Variants in GLP1R observed in about 807,000 individuals in gnomAD.
GLP1R encodes glucagon like peptide 1 receptor, also known as glucagon-like peptide 1 receptor.
In GLP1R, 32 loss-of-function variants were observed where a neutral mutation model predicts 68.4. The ratio of observed to expected loss-of-function variants is 0.47; its 90% confidence interval spans 0.35 to 0.63. The LOEUF (loss-of-function observed/expected upper bound fraction) is 0.63. Among genes scored for constraint, GLP1R ranks in the 20% least tolerant of loss-of-function variants. The pLI, the probability that GLP1R is intolerant of heterozygous loss-of-function variation, is 0.00. For missense variants in GLP1R, 502 were observed against 594.9 expected (o/e 0.84, Z 1.62); for synonymous variants, 263 against 244.4 (o/e 1.08, Z -0.71).
At chr6:39,084,127 G>A (rs1769086090) in intron 12 of GLP1R, among the ~76,000 whole-genome samples, 2 of 152,100 alleles carry the variant, frequency 1.3e-5, no homozygotes, top group South Asian at 4.2e-4. Context: ...TAGGAGCCGG[G>A]CATTGGAATC....
In GLP1R at chr6:39,086,023, A is replaced by G; in HGVS notation, c.1342A>G (p.Thr448Ala). The G allele has an allele frequency of 6.2e-7, 1 of 1,614,074 alleles. No homozygotes were observed. ...CACCAGCAGCCTGAGCAGTGGAGCC[A>G]CGGCGGGCAGCAGCATGTACACAGC... Reference protein sequence around the residue: ...CPTSSLSSGATAGSSMYTATC... With the variant: ...CPTSSLSSGAAAGSSMYTATC... Residue 448 changes from threonine to alanine, a missense_variant, in exon 13 of 13, where the codon ACG becomes GCG. Transcript: ENST00000373256. This position sits in a 1 kb window ranked among gnomAD's most constrained non-coding sequence, Gnocchi z 4.5.
chr6:39,070,444 C>G (rs917412716), intron 5 of GLP1R, among the ~76,000 whole-genome samples: 2 of 152,088 alleles, frequency 1.3e-5, no homozygotes, highest in Non-Finnish European at 2.9e-5. Flanking sequence ...AATGTACATT[C>G]TTACTTGTGC....
At chr6:39,051,351 T>C (rs1011229861) in intron 1 of GLP1R, among the ~76,000 whole-genome samples, 7 of 152,140 alleles carry the variant, frequency 4.6e-5, no homozygotes, top group African/African-American at 1.7e-4. Context: ...ACTGACCCAT[T>C]TGTCCTTGGG....
intron 5 of GLP1R, among the ~76,000 whole-genome samples, chr6:39,066,534 G>A (rs1008273309): frequency 2.0e-5 from 3 of 152,184 alleles, no homozygotes; most frequent in African/African-American, 7.2e-5. Flanking sequence ...CTGCAAAAAA[G>A]AACAAAAATA....
chr6:39,061,250 C>T (rs1247805404), intron 3 of GLP1R, among the ~76,000 whole-genome samples: 1 of 152,196 alleles, frequency 6.6e-6, no homozygotes, highest in Non-Finnish European at 1.5e-5. Context: ...AAGGAAATGG[C>T]TGGTACAAAC....
Position 39,078,382 on chromosome 6 carries a change from G to A in GLP1R, c.884G>A (p.Gly295Asp), listed in dbSNP as rs2150835598. The A allele has an allele frequency of 1.2e-6, 2 of 1,606,964 alleles. No individual in the cohort carries two copies. Among genetic ancestry groups the A allele is most frequent in the Non-Finnish European group, 1.7e-6 (2 of 1,173,474 alleles). ...GIVKYLYEDE[G>D]CWTRNSNMNY... is the part of the protein sequence containing the mutation. ...GTCAAGTACCTCTATGAGGACGAGGGGTGAGTGTCCTGCTCCAAGGGGGCG... is the reference window on the plus strand; with the variant it reads ...GTCAAGTACCTCTATGAGGACGAGGAGTGAGTGTCCTGCTCCAAGGGGGCG... The change falls in exon 8 of 13, where the codon GGC (glycine) becomes GAC (aspartate). Residue 295 changes from glycine to aspartate, a missense_variant and splice_region_variant. Physicochemically the swap from Gly to Asp is moderately conservative, Grantham distance 94 (BLOSUM62 -1). Coordinates refer to ENST00000373256, the MANE Select transcript of GLP1R (RefSeq NM_002062.5).
intron 7 of GLP1R, among the ~76,000 whole-genome samples, chr6:39,076,483 T>G (rs1768832560): frequency 6.6e-6 from 1 of 152,128 alleles, no homozygotes; most frequent in Non-Finnish European, 1.5e-5. Context: ...CTCCTTTGCC[T>G]CCTCCATCTC....
At chr6:39,084,781 T>A (rs977351363) in intron 12 of GLP1R, among the ~76,000 whole-genome samples, 2 of 152,192 alleles carry the variant, frequency 1.3e-5, no homozygotes, top group Non-Finnish European at 2.9e-5. Context: ...AATGTTCTTT[T>A]AAGGGATGGC....
At chr6:39,050,004 T>C (rs1583609725) in intron 1 of GLP1R, among the ~76,000 whole-genome samples, 1 of 152,262 alleles carries the variant, frequency 6.6e-6, no homozygotes, top group Middle Eastern at 3.4e-3. Context: ...AACCATTGCC[T>C]TGGTGAGGGC....
rs545854526 is a variant in GLP1R, at chr6:39,090,066, A to G, written c.*3993A>G. On this transcript the variant is annotated 3_prime_UTR_variant, in exon 13 of 13. Coordinates refer to ENST00000373256, the MANE Select transcript of GLP1R (RefSeq NM_002062.5). The stretch of plus-strand genomic sequence containing the variant: ...TGGCTGGAATGAGTTCCCCTGGGAA[A>G]GAAAATCGCCCAAGTGAGAAACTTA... 6.6e-6 allele frequency among the ~76,000 whole-genome samples: 1 copy of G among 152,230 alleles called. No individual in the cohort carries two copies. Among genetic ancestry groups the G allele is most frequent in the Non-Finnish European group, 1.5e-5 (1 of 68,048 alleles).
At chr6:39,073,370 G>A (rs952649839) in intron 6 of GLP1R, among the ~76,000 whole-genome samples, 1 of 152,166 alleles carries the variant, frequency 6.6e-6, no homozygotes, top group South Asian at 2.1e-4. Context: ...CTGAGAAATA[G>A]GTGAGAAGTC....
intron 3 of GLP1R, among the ~76,000 whole-genome samples, chr6:39,064,588 A>T (rs1768446901): frequency 6.6e-6 from 1 of 151,630 alleles, no homozygotes; most frequent in Non-Finnish European, 1.5e-5. Context: ...CCTGGTGTCA[A>T]ACTTAAGTTC....
chr6:39,082,089 G>C (rs549973618), intron 12 of GLP1R, among the ~76,000 whole-genome samples: 21 of 152,224 alleles, frequency 1.4e-4, no homozygotes, highest in African/African-American at 5.1e-4. Flanking sequence ...AGAGGATGCC[G>C]TGCAGAGAAA....
intron 5 of GLP1R, 69 bp downstream of exon 5, chr6:39,066,372 C>A: frequency 1.2e-6 from 1 of 810,936 alleles, no homozygotes; most frequent in Non-Finnish European, 2.1e-6. Context: ...AATGAAGCAG[C>A]CCAACACCAA....
chr6:39,073,384 T>G (rs1294892146), intron 6 of GLP1R, among the ~76,000 whole-genome samples: 1 of 152,200 alleles, frequency 6.6e-6, no homozygotes, highest in East Asian at 1.9e-4. Context: ...AGAAGTCACT[T>G]ACTTCTCACC....
chr6:39,075,598 A>G (rs1431093849), intron 7 of GLP1R, among the ~76,000 whole-genome samples: 1 of 152,162 alleles, frequency 6.6e-6, no homozygotes, highest in African/African-American at 2.4e-5. Flanking sequence ...CAAGACCCGG[A>G]GGACACCCTG....
At chr6:39,063,821 A>G (rs1468424183) in intron 3 of GLP1R, among the ~76,000 whole-genome samples, 1 of 151,298 alleles carries the variant, frequency 6.6e-6, no homozygotes, top group Non-Finnish European at 1.5e-5. Flanking sequence ...GAAAAATAGA[A>G]CTCCCAGACT....
chr6:39,051,238 A>G (rs1186050905), intron 1 of GLP1R, among the ~76,000 whole-genome samples: 7 of 152,166 alleles, frequency 4.6e-5, no homozygotes, highest in Admixed American at 4.6e-4. Flanking sequence ...ACATGTCCTT[A>G]TCTGTAAATA....
At chr6:39,082,723 G>T (rs1769038205) in intron 12 of GLP1R, among the ~76,000 whole-genome samples, 1 of 152,128 alleles carries the variant, frequency 6.6e-6, no homozygotes, top group South Asian at 2.1e-4. Flanking sequence ...CCTGAGCTCT[G>T]CTGCTTTCCA....
Sources: allele counts gnomAD v4.1 joint callset (sites outside exome capture counted in the v4.1 genomes callset), GRCh38; gene constraint gnomAD v4.1.1; non-coding constraint Gnocchi (gnomAD v3.1); transcripts MANE v1.5; gene names NCBI Gene and HGNC (gene_info 2026-07-23, HGNC 2026-07-21).